Variants in NTM observed in about 807,000 individuals in gnomAD.
The protein encoded by NTM is neurotrimin.
In NTM, 13 loss-of-function variants were observed where a neutral mutation model predicts 42.1. The observed-to-expected ratio is 0.31, with a 90% CI of 0.20 to 0.49. The LOEUF (loss-of-function observed/expected upper bound fraction) is 0.49, where lower values mean the gene tolerates loss of function less well. Ranked by LOEUF, NTM falls within the 20% of genes least tolerant of loss-of-function variation. NTM has a pLI of 0.99. For missense variants in NTM, 373 were observed against 452.8 expected, an observed-to-expected ratio of 0.82 and a Z score of 1.60; for synonymous variants, 187 against 179.2, an observed-to-expected ratio of 1.04 and a Z score of -0.35.
At chr11:132,236,052 A>G (rs2088816898) in intron 4 of NTM, among the ~76,000 whole-genome samples, 1 of 152,082 alleles carries the variant, frequency 6.6e-6, no homozygotes. Context: ...TTAATTCATG[A>G]TAGTTTGAGC....
At chr11:132,069,655 A>G (rs552702533) in intron 2 of NTM, among the ~76,000 whole-genome samples, 4 of 150,160 alleles carry the variant, frequency 2.7e-5, no homozygotes, top group Admixed American at 6.6e-5. Context: ...CACCCAGCCA[A>G]GTTAACACGT....
At chr11:132,141,233 TTC>T (rs1361238689) in intron 2 of NTM, among the ~76,000 whole-genome samples, 2 of 151,644 alleles carry the variant, frequency 1.3e-5, no homozygotes, top group African/African-American at 4.9e-5. Context: ...CTCTCTCTCT[TTC>T]TGTCTCTCTC....
rs567994061 is a variant in NTM at position 132,005,837 on chromosome 11, CCTTT to C, written c.167+94192_167+94195del. Reference sequence around the variant, plus strand: ...TAGCTCACCTAGACTTAACAAACTACCTTTCTAACTCAAATCCCTCCTGTTTCCC... The same window carrying C: ...TAGCTCACCTAGACTTAACAAACTACCTAACTCAAATCCCTCCTGTTTCCC... On this transcript the variant is annotated intron_variant, in intron 2 of 8. Coordinates refer to ENST00000683400, the MANE Select transcript of NTM (RefSeq NM_001352005.2). Among the ~76,000 whole-genome samples the C allele has an allele frequency of 2.3e-4, 35 of 152,312 alleles. No homozygotes were observed. In the South Asian group the frequency reaches 7.1e-3, roughly 31 times the overall value.
At position 132,277,822 on chromosome 11, in the gene NTM, A is replaced by AT. The variant is rs2093788832; in HGVS notation, c.527-29867_527-29866insT. 2.0e-5 allele frequency among the ~76,000 whole-genome samples: 3 copies of AT among 149,522 alleles called. No individual in the cohort carries two copies. The South Asian group carries it at 6.5e-4, about 32-fold the overall frequency. ...GCTTGGTGCTATTTCTATCATGCTA[A>AT]AATATATATATATATTTAAAAATCC... On this transcript the variant is annotated intron_variant, in intron 4 of 8. Coordinates refer to ENST00000683400, the MANE Select transcript of NTM (RefSeq NM_001352005.2).
chr11:131,949,904 TTTCTC>T (rs10597625), intron 2 of NTM, among the ~76,000 whole-genome samples: 40,780 of 151,892 alleles, frequency 0.27, 5,768 homozygotes, highest in Middle Eastern at 0.44. Flanking sequence ...TACTCACACT[TTTCTC>T]TTCTGACACT....
intron 1 of NTM, among the ~76,000 whole-genome samples, chr11:131,640,353 A>T (rs1365933977): frequency 6.6e-6 from 1 of 152,212 alleles, no homozygotes; most frequent in African/African-American, 2.4e-5. Flanking sequence ...CCTGAAAAAG[A>T]TTATTCACAA....
At chr11:131,681,795 A>G (rs868166195) in intron 1 of NTM, among the ~76,000 whole-genome samples, 2,600 of 57,204 alleles carry the variant, frequency 0.045, no homozygotes, top group African/African-American at 0.059. Context: ...GTCTGTGTGT[A>G]TGTCTCCCTG....
intron 1 of NTM, among the ~76,000 whole-genome samples, chr11:131,597,694 T>G (rs1011874260): frequency 2.0e-5 from 3 of 151,990 alleles, no homozygotes; most frequent in African/African-American, 7.3e-5. Flanking sequence ...TGCCCCAGAG[T>G]GAGGGGGAGG....
At chr11:132,305,646 C>T (rs2095050281) in intron 4 of NTM, among the ~76,000 whole-genome samples, 1 of 152,096 alleles carries the variant, frequency 6.6e-6, no homozygotes, top group South Asian at 2.1e-4. Context: ...AATGTAAGCC[C>T]GTGGTTGGTA....
chr11:131,666,224 C>T (rs903719218), intron 1 of NTM, among the ~76,000 whole-genome samples: 16 of 152,316 alleles, frequency 1.1e-4, no homozygotes, highest in African/African-American at 3.8e-4. Context: ...CTGCCTATCA[C>T]TCCTTTGCTC....
intron 2 of NTM, among the ~76,000 whole-genome samples, chr11:131,922,730 T>G (rs2138268185): frequency 6.6e-6 from 1 of 152,344 alleles, no homozygotes; most frequent in South Asian, 2.1e-4. Flanking sequence ...GAGTTTATTA[T>G]CTGCCTGGCA....
rs547656492 is a variant in NTM, at chr11:131,651,708, G to A, written c.83-259856G>A. 1.9e-3 allele frequency among the ~76,000 whole-genome samples: 291 copies of A among 152,152 alleles called. 1 individual carries two copies. In the South Asian group the frequency reaches 0.028, roughly 14 times the overall value. ...ATACAAAAATTAGCTGGGCATGGTG[G>A]CCCACTCCTGTACTCCCAGCTACTT... On this transcript the variant is annotated intron_variant, in intron 1 of 8. Coordinates refer to ENST00000683400, the MANE Select transcript of NTM (RefSeq NM_001352005.2).
At chr11:131,609,224 G>A (rs535657764) in intron 1 of NTM, among the ~76,000 whole-genome samples, 19 of 152,214 alleles carry the variant, frequency 1.2e-4, no homozygotes, top group African/African-American at 3.4e-4. Context: ...CCTGAGGCAC[G>A]CAGGCACTAC....
At chr11:132,030,759 G>A (rs899738760) in intron 2 of NTM, among the ~76,000 whole-genome samples, 1 of 152,220 alleles carries the variant, frequency 6.6e-6, no homozygotes, top group Admixed American at 6.5e-5. Flanking sequence ...AGGAGTGAGA[G>A]TGAGAAAGGG....
At chr11:131,921,206 A>G (rs1386106476) in intron 2 of NTM, among the ~76,000 whole-genome samples, 1 of 152,216 alleles carries the variant, frequency 6.6e-6, no homozygotes, top group Non-Finnish European at 1.5e-5. Flanking sequence ...ATTTGTAAAT[A>G]TGGTTGCTAC....
intron 2 of NTM, among the ~76,000 whole-genome samples, chr11:132,014,017 A>G (rs192404406): frequency 5.1e-4 from 77 of 151,954 alleles, no homozygotes; most frequent in African/African-American, 1.8e-3. Context: ...TCCTATATCC[A>G]TTAGCCAACC....
In NTM at chr11:132,067,689, A is replaced by C. The variant is rs146361585; in HGVS notation, c.168-78593A>C. Among the ~76,000 whole-genome samples, 408 of 152,342 alleles carry C rather than the reference A, an allele frequency of 2.7e-3. 1 individual carries two copies. The highest frequency in any genetic ancestry group is 5.1e-3 in the Non-Finnish European group (344 of 68,032). Reference sequence around the variant, plus strand: ...AATTCCATTACATGCAAGGCCTGGGAATAATCCCCTGAGGCTAATTTCACT... The same window carrying C: ...AATTCCATTACATGCAAGGCCTGGGCATAATCCCCTGAGGCTAATTTCACT... On this transcript the variant is annotated intron_variant, in intron 2 of 8. Coordinates refer to ENST00000683400, the MANE Select transcript of NTM (RefSeq NM_001352005.2).
At chr11:131,948,363 T>TCAAAAAAAA (rs2060586797) in intron 2 of NTM, among the ~76,000 whole-genome samples, 1 of 56,700 alleles carries the variant, frequency 1.8e-5, no homozygotes, top group African/African-American at 8.8e-5. Flanking sequence ...AGACTCCATC[T>TCAAAAAAAA]CAAAAAAAAC....
At chr11:132,145,385 A>G (rs1357324623) in intron 2 of NTM, among the ~76,000 whole-genome samples, 1 of 138,780 alleles carries the variant, frequency 7.2e-6, no homozygotes, top group Non-Finnish European at 1.6e-5. Flanking sequence ...CCAGCATTAT[A>G]GTCAGGATCA....
Sources: allele counts gnomAD v4.1 joint callset (sites outside exome capture counted in the v4.1 genomes callset), GRCh38; gene constraint gnomAD v4.1.1; transcripts MANE v1.5; gene names NCBI Gene and HGNC (gene_info 2026-07-23, HGNC 2026-07-21).